CCNJL: variants seen among roughly 807,000 people sequenced by gnomAD.
The protein encoded by CCNJL is cyclin J like.
A neutral mutation model predicts 33.4 loss-of-function variants in CCNJL; 33 were observed. The observed-to-expected ratio is 0.99, with a 90% CI of 0.75 to 1.32. CCNJL has a LOEUF of 1.32. CCNJL is among the 40% of genes most tolerant of loss of function. The probability of loss-of-function intolerance (pLI) is 0.00; values close to 1 mark genes in which losing one functional copy is unlikely to be tolerated. For missense variants in CCNJL, 512 were observed against 499.7 expected, an observed-to-expected ratio of 1.02 and a Z score of -0.23; for synonymous variants, 227 against 220.9, an observed-to-expected ratio of 1.03 and a Z score of -0.24.
chr5:160,281,016 G>A (rs866038477), intron 2 of CCNJL: 16 of 508,444 alleles, frequency 3.1e-5, no homozygotes, highest in African/African-American at 2.1e-4. Flanking sequence ...AGATACACAA[G>A]GCCATAAAGG....
rs570165709 is a variant in CCNJL at position 160,293,859 on chromosome 5, T to A, written c.67-13121A>T. ...TACTTGGAGGGCGACAACCACTTCG[T>A]AAACAGCTCAAGGTGCAGTAAAGCA... is the stretch of plus-strand genomic sequence containing the variant. On this transcript the variant is annotated intron_variant, in intron 2 of 5. Transcript: ENST00000257536. Among the ~76,000 whole-genome samples, 6 of 152,216 alleles carry A rather than the reference T, an allele frequency of 3.9e-5. No homozygotes were observed. In the South Asian group the frequency reaches 1.2e-3, roughly 32 times the overall value.
In CCNJL at chr5:160,255,617, G is replaced by C. The variant is rs1267685093; in HGVS notation, c.675C>G (p.Thr225=). Residue 225 remains threonine, a synonymous_variant, in exon 5 of 6, where the codon ACC becomes ACG. Coordinates refer to ENST00000257536, the MANE Select transcript of CCNJL (RefSeq NM_001308173.3). The stretch of plus-strand genomic sequence containing the variant: ...AGCTTGAGATCCTCTGCAGGTCTCT[G>C]GTCCAGTAGGGAGAAAGCTGCAGGC... ...RICLQLSPYW[T]RDLQRISSYS... 3 of 1,613,920 alleles carry C rather than the reference G, an allele frequency of 1.9e-6. No individual in the cohort carries two copies. In the African/African-American group the frequency reaches 4.0e-5, roughly 22 times the overall value.
At chr5:160,275,177 C>T (rs374181967) in intron 3 of CCNJL, among the ~76,000 whole-genome samples, 29 of 151,690 alleles carry the variant, frequency 1.9e-4, no homozygotes, top group Admixed American at 4.6e-4. Flanking sequence ...CTCCGCCTCC[C>T]GGGTTCAAGC....
At chr5:160,291,472 G>A (rs1762583433) in intron 2 of CCNJL, among the ~76,000 whole-genome samples, 1 of 152,166 alleles carries the variant, frequency 6.6e-6, no homozygotes, top group African/African-American at 2.4e-5. Context: ...AAAACTCTAG[G>A]CTGAATTTAT....
In CCNJL at chr5:160,267,110, C is replaced by T. The variant is rs549085932; in HGVS notation, c.281-7339G>A. Among the ~76,000 whole-genome samples, 7 of 152,244 alleles carry T rather than the reference C, an allele frequency of 4.6e-5. No individual in the cohort carries two copies. The South Asian group carries it at 6.2e-4, about 14-fold the overall frequency. On this transcript the variant is annotated intron_variant, in intron 3 of 5. Transcript: ENST00000257536. ...CACCAGGATGTGAGCTCTGGGAGGGCGGGGAGCTTCGTTTGGCATTTGGTT... is the reference window on the plus strand; with the variant it reads ...CACCAGGATGTGAGCTCTGGGAGGGTGGGGAGCTTCGTTTGGCATTTGGTT...
chr5:160,255,379 G>A (rs185251310), intron 5 of CCNJL, 170 bp downstream of exon 5: 5 of 557,456 alleles, frequency 9.0e-6, no homozygotes, highest in African/African-American at 3.8e-5. Flanking sequence ...ACTGGTTCTC[G>A]AAACCCCACT....
intron 3 of CCNJL, among the ~76,000 whole-genome samples, chr5:160,262,803 C>T (rs1220871422): frequency 1.3e-5 from 2 of 152,238 alleles, no homozygotes; most frequent in Admixed American, 6.5e-5. Flanking sequence ...TGATGCTGCA[C>T]GTGCCTGGCA....
chr5:160,257,914 T>A (rs1761140864), intron 4 of CCNJL, among the ~76,000 whole-genome samples: 1 of 151,792 alleles, frequency 6.6e-6, no homozygotes, highest in Non-Finnish European at 1.5e-5. Context: ...TGGCACGATC[T>A]CGGCTCACTG....
chr5:160,325,845 G>C (rs1004459237), intron 1 of CCNJL, among the ~76,000 whole-genome samples: 1 of 152,094 alleles, frequency 6.6e-6, no homozygotes, highest in Admixed American at 6.6e-5. Context: ...CCTGGACTCT[G>C]TTTTTAGAAA....
intron 1 of CCNJL, 122 bp downstream of exon 1, chr5:160,312,242 G>A: frequency 2.3e-6 from 1 of 428,996 alleles, no homozygotes. Flanking sequence ...TGTCAACTCC[G>A]CTAGCTCGCT....
At position 160,280,095 on chromosome 5, in the gene CCNJL, A is replaced by G. The variant is rs1762155222; in HGVS notation, c.280+430T>C. Among the ~76,000 whole-genome samples the G allele has an allele frequency of 2.0e-5, 3 of 152,168 alleles. No individual in the cohort carries two copies. In the South Asian group the frequency reaches 6.2e-4, roughly 31 times the overall value. On this transcript the variant is annotated intron_variant, in intron 3 of 5. Transcript: ENST00000257536. ...AAACACCTTATGAACAGTGGTTGCT[A>G]GGGTTCCCCTCCCAGCACGTTCATA...
chr5:160,278,877 GC>G (rs1443563753), intron 3 of CCNJL, among the ~76,000 whole-genome samples: 2 of 152,234 alleles, frequency 1.3e-5, no homozygotes, highest in East Asian at 3.8e-4. Context: ...TGTTTCACAA[GC>G]CCCGCAGACG....
At chr5:160,286,691 T>C (rs184347390) in intron 2 of CCNJL, among the ~76,000 whole-genome samples, 7 of 152,082 alleles carry the variant, frequency 4.6e-5, no homozygotes, top group Non-Finnish European at 1.0e-4. Context: ...CTGGAATGCA[T>C]AGCAATATAT....
chr5:160,311,765 T>C lies in CCNJL; in HGVS notation c.66+93A>G, dbSNP rs2113460069. ...AGGAAAAAAAGGCACCCGGGAGTTC[T>C]GAGTTCCCACGCAGGCGACCTGAGA... On this transcript the variant is annotated intron_variant, in intron 2 of 5. Coordinates refer to ENST00000257536, the MANE Select transcript of CCNJL (RefSeq NM_001308173.3). The C allele has an allele frequency of 6.5e-6, 8 of 1,226,868 alleles. No homozygotes were observed. In the Admixed American group the frequency reaches 8.5e-5, roughly 13 times the overall value. The allele number at this position is 1,226,868 out of a possible 1,614,324, so 76.0% of individuals were successfully genotyped here. A position where few individuals can be genotyped will look rare whatever the true frequency, so the allele number is the denominator to read the frequency against.
At chr5:160,254,151 C>T (rs1049573601) in intron 5 of CCNJL, 24 of 466,010 alleles carry the variant, frequency 5.2e-5, no homozygotes, top group Admixed American at 7.9e-5. Flanking sequence ...AGGATGGCGC[C>T]TGCTTGTGCT....
At chr5:160,253,842 C>T (rs1156841030) in intron 5 of CCNJL, 44 bp from the exon 6 acceptor site, 10 of 1,430,628 alleles carry the variant, frequency 7.0e-6, no homozygotes, top group Admixed American at 2.3e-5. Flanking sequence ...CCAAAAGCCA[C>T]CAGATGCCTG....
chr5:160,257,271 C>T (rs914650017), intron 4 of CCNJL, among the ~76,000 whole-genome samples: 46 of 151,528 alleles, frequency 3.0e-4, no homozygotes, highest in African/African-American at 1.1e-3. Flanking sequence ...GTCAGGAGAT[C>T]GAGACCATCC....
intron 2 of CCNJL, among the ~76,000 whole-genome samples, chr5:160,305,965 T>C (rs1351321336): frequency 6.6e-6 from 1 of 152,166 alleles, no homozygotes; most frequent in East Asian, 1.9e-4. Flanking sequence ...CAAACATCTT[T>C]TATCTGTCCA....
At chr5:160,321,028 TTCTTTCTTTC>T (rs1359272356) in intron 1 of CCNJL, among the ~76,000 whole-genome samples, 6 of 26,510 alleles carry the variant, frequency 2.3e-4, no homozygotes, top group Non-Finnish European at 3.6e-4. Flanking sequence ...CTTTCTTTCT[TTCTTTCTTTC>T]TTTCTTTCTT....
Sources: allele counts gnomAD v4.1 joint callset (sites outside exome capture counted in the v4.1 genomes callset), GRCh38; gene constraint gnomAD v4.1.1; transcripts MANE v1.5; gene names NCBI Gene and HGNC (gene_info 2026-07-23, HGNC 2026-07-21).